RARRES2: variants seen among roughly 807,000 people sequenced by gnomAD.
The protein encoded by RARRES2 is retinoic acid receptor responder 2.
RARRES2 carries 12 observed loss-of-function variants against 17.9 expected under a neutral mutation model. That is an observed-to-expected ratio of 0.67 (90% CI 0.43 to 1.08). RARRES2 has a LOEUF of 1.08. Among genes scored for constraint, RARRES2 ranks in the 50% least tolerant of loss-of-function variants. RARRES2 has a pLI of 0.00. For synonymous variants in RARRES2, 82 were observed against 86.8 expected (o/e 0.94, Z 0.31); for missense variants, 220 against 210.1 (o/e 1.05, Z -0.29).
intron 3 of RARRES2, among the ~76,000 whole-genome samples, chr7:150,339,594 T>G (rs1437292678): frequency 6.6e-6 from 1 of 152,178 alleles, no homozygotes. Context: ...CAGAGGGAAC[T>G]GGGGCCTTTG....
rs762377599 is a variant in RARRES2, at chr7:150,339,010, G to T, written c.351C>A (p.Cys117Ter). 7 of 1,611,538 alleles carry T rather than the reference G, an allele frequency of 4.3e-6. No homozygotes were observed. Among genetic ancestry groups the T allele is most frequent in the Non-Finnish European group, 5.9e-6 (7 of 1,177,802 alleles). ...CCCGCAGAACTTGGGTCTCTATGGGGCAGTGGACCAACCGGCCCAGAACTT... is the reference window on the plus strand; with the variant it reads ...CCCGCAGAACTTGGGTCTCTATGGGTCAGTGGACCAACCGGCCCAGAACTT... ...EDKVLGRLVH[C>*]PIETQVLREA... Residue 117 changes from cysteine (C) to a stop codon, truncating the protein, a stop_gained, in exon 4 of 6, where the codon TGC (cysteine) becomes TGA (stop). Transcript: ENST00000223271. LOFTEE classifies it high-confidence loss of function.
intron 3 of RARRES2, among the ~76,000 whole-genome samples, chr7:150,339,543 T>G (rs970420003): frequency 6.6e-6 from 1 of 152,002 alleles, no homozygotes; most frequent in African/African-American, 2.4e-5. Flanking sequence ...ATTTTGAGGT[T>G]GATGAATCAT....
rs1345899318 is a variant in RARRES2 at position 150,340,132 on chromosome 7, T to C, written c.247A>G (p.Lys83Glu). 1 of 1,614,096 alleles carries C rather than the reference T, an allele frequency of 6.2e-7. No individual in the cohort carries two copies. Among genetic ancestry groups the C allele is most frequent in the Non-Finnish European group, 8.5e-7 (1 of 1,180,036 alleles). Residue 83 changes from lysine to glutamate, a missense_variant, in exon 3 of 6, where the codon AAG becomes GAG. Coordinates refer to ENST00000223271, the MANE Select transcript of RARRES2 (RefSeq NM_002889.4). ...GGCCTGACTTTGCACTCGGGTTTCTTCCAGTCCCTCTTCCGGCAGCTTGTC... is the reference window on the plus strand; with the variant it reads ...GGCCTGACTTTGCACTCGGGTTTCTCCCAGTCCCTCTTCCGGCAGCTTGTC... Reference protein sequence around the residue: ...QQTSCRKRDWKKPECKVRPNG... With the variant: ...QQTSCRKRDWEKPECKVRPNG...
At chr7:150,339,511 A>T (rs538767538) in intron 3 of RARRES2, among the ~76,000 whole-genome samples, 2 of 138,800 alleles carry the variant, frequency 1.4e-5, no homozygotes, top group Non-Finnish European at 3.1e-5. Context: ...CACCTATTCT[A>T]TTTATTTTCT....
chr7:150,340,628 C>A lies in RARRES2; in HGVS notation c.-19G>T. On this transcript the variant is annotated splice_region_variant and 5_prime_UTR_variant, in exon 2 of 6. Coordinates refer to ENST00000223271, the MANE Select transcript of RARRES2 (RefSeq NM_002889.4). ...GTCGCATGCTTCCGTGTCACCCTGG[C>A]CCTGCGAAGCGGGTGTGCGCCCCTC... The A allele has an allele frequency of 6.7e-7, 1 of 1,485,184 alleles. No homozygotes were observed. The highest frequency in any genetic ancestry group is 1.3e-5 in the South Asian group (1 of 77,226). The allele number at this position is 1,485,184 out of a possible 1,614,324, so 92.0% of individuals were successfully genotyped here. A position where few individuals can be genotyped will look rare whatever the true frequency, so the allele number is the denominator to read the frequency against.
At position 150,339,063 on chromosome 7, in the gene RARRES2, C is replaced by T; in HGVS notation, c.298G>A (p.Ala100Thr). The change falls in exon 4 of 6, where the codon GCC (alanine) becomes ACC (threonine). Residue 100 changes from alanine (A) to threonine (T), a missense_variant. Transcript: ENST00000223271. ...RPNGRKRKCL[A>T]CIKLGSEDKV... is the part of the protein sequence containing the mutation. ...TCCTCAGAGCCCAGTTTGATGCAGGCCAGGCATTTCCGTTTCCTCTGTGGG... is the reference window on the plus strand; with the variant it reads ...TCCTCAGAGCCCAGTTTGATGCAGGTCAGGCATTTCCGTTTCCTCTGTGGG... The T allele has an allele frequency of 6.2e-7, 1 of 1,611,976 alleles. No homozygotes were observed. The highest frequency in any genetic ancestry group is 8.5e-7 in the Non-Finnish European group (1 of 1,178,086).
Position 150,340,392 on chromosome 7 carries a change from T to A in RARRES2, c.174+44A>T, listed in dbSNP as rs756659584. The A allele has an allele frequency of 3.8e-6, 6 of 1,563,022 alleles. No homozygotes were observed. The East Asian group carries it at 1.4e-4, about 35-fold the overall frequency. Reference sequence around the variant, plus strand: ...CCTTCGTGGGAATGCGCTGGTCTCCTGGGGTACGACCCTCCCCGCTCCTGC... The same window carrying A: ...CCTTCGTGGGAATGCGCTGGTCTCCAGGGGTACGACCCTCCCCGCTCCTGC... On this transcript the variant is annotated intron_variant, in intron 2 of 5. Coordinates refer to ENST00000223271, the MANE Select transcript of RARRES2 (RefSeq NM_002889.4).
chr7:150,338,496 C>T (rs975239960), intron 5 of RARRES2, 57 bp from the exon 6 acceptor site: 42 of 1,518,700 alleles, frequency 2.8e-5, no homozygotes, highest in Admixed American at 4.1e-5. Flanking sequence ...GCCCCAGTCC[C>T]AGCTTTCCTC....
At chr7:150,339,558 A>G (rs1313835611) in intron 3 of RARRES2, among the ~76,000 whole-genome samples, 6 of 152,054 alleles carry the variant, frequency 3.9e-5, no homozygotes, top group Non-Finnish European at 8.8e-5. Context: ...AATCATTGCT[A>G]TAGTCCAGTG....
chr7:150,338,367 G>C lies in RARRES2; in HGVS notation c.*83C>G, dbSNP rs752236152. 1.4e-6 allele frequency: 2 copies of C among 1,468,590 alleles called. No individual in the cohort carries two copies. Among genetic ancestry groups the C allele is most frequent in the South Asian group, 1.2e-5 (1 of 82,590 alleles). 91.0% of individuals were successfully genotyped at this position (1,468,590 alleles called of 1,614,324 possible). A position where few individuals can be genotyped will look rare whatever the true frequency, so the allele number is the denominator to read the frequency against. On this transcript the variant is annotated 3_prime_UTR_variant, in exon 6 of 6. Transcript: ENST00000223271. The stretch of plus-strand genomic sequence containing the variant: ...TTATTATCATGGCTGGGGATAGAAC[G>C]GGTTCCTCTCCCTGGGGGCTGGGGT...
In RARRES2 at chr7:150,341,589, C is replaced by T. The variant is rs10275627; in HGVS notation, c.-32G>A. ...CTTCCCCTCCTCACGTCCTTCCCTG[C>T]GCCTGGAGGTCTCCCCTGACCGTCC... On this transcript the variant is annotated 5_prime_UTR_variant, in exon 1 of 6. Coordinates refer to ENST00000223271, the MANE Select transcript of RARRES2 (RefSeq NM_002889.4). 7,139 of 152,660 alleles carry T rather than the reference C, an allele frequency of 0.047. 484 individuals are homozygous for T. The highest frequency in any genetic ancestry group is 0.15 in the African/African-American group (6,137 of 41,518). The allele number at this position is 152,660 out of a possible 1,614,324, so 9.5% of individuals were successfully genotyped here.
At position 150,340,163 on chromosome 7, in the gene RARRES2, C is replaced by T. The variant is rs773633037; in HGVS notation, c.216G>A (p.Leu72=). The T allele has an allele frequency of 1.2e-6, 2 of 1,614,078 alleles. No homozygotes were observed. Among genetic ancestry groups the T allele is most frequent in the South Asian group, 1.1e-5 (1 of 91,090 alleles). ...CCCTCTTCCGGCAGCTTGTCTGCTG[C>T]AGCTTAAATTCCAGCCTCACAAATA... is the stretch of plus-strand genomic sequence containing the variant. ...AGIFVRLEFK[L]QQTSCRKRDW... The change falls in exon 3 of 6, where the codon CTG becomes CTA. Residue 72 remains leucine, a synonymous_variant. Transcript: ENST00000223271.
At chr7:150,340,849 G>A (rs1359440674) in intron 1 of RARRES2, 4 of 458,692 alleles carry the variant, frequency 8.7e-6, no homozygotes, top group Non-Finnish European at 1.5e-5. Context: ...TGTTCCCTGG[G>A]GCCTGCAGTT....
In RARRES2 at chr7:150,340,122, T is replaced by A; in HGVS notation, c.257A>T (p.Glu86Val). ...CACCCCATTGGGCCTGACTTTGCAC[T>A]CGGGTTTCTTCCAGTCCCTCTTCCG... ...SCRKRDWKKP[E>V]CKVRPNGRKR... is the part of the protein sequence containing the mutation. The change falls in exon 3 of 6, where the codon GAG (glutamate) becomes GTG (valine). Residue 86 changes from glutamate to valine, a missense_variant. Physicochemically the swap from Glu to Val is moderately radical, Grantham distance 121 (BLOSUM62 -2). Coordinates refer to ENST00000223271, the MANE Select transcript of RARRES2 (RefSeq NM_002889.4). The A allele has an allele frequency of 6.2e-7, 1 of 1,614,146 alleles. No individual in the cohort carries two copies. The highest frequency in any genetic ancestry group is 1.3e-5 in the African/African-American group (1 of 75,050).
At chr7:150,340,664 GCC>G in intron 1 of RARRES2, 35 bp from the exon 2 acceptor site, 2 of 1,433,226 alleles carry the variant, frequency 1.4e-6, no homozygotes, top group Non-Finnish European at 1.8e-6. Flanking sequence ...AGCTCTCCGA[GCC>G]AGCCCGAGCC....
chr7:150,339,671 C>G (rs1182901959), intron 3 of RARRES2, among the ~76,000 whole-genome samples: 1 of 149,296 alleles, frequency 6.7e-6, no homozygotes, highest in African/African-American at 2.5e-5. Context: ...TCACTGCACT[C>G]CCAGCCCAGG....
rs555320429 is a variant in RARRES2, at chr7:150,339,527, G to T, written c.280-446C>A. Among the ~76,000 whole-genome samples the T allele has an allele frequency of 3.5e-4, 41 of 117,008 alleles. 1 individual carries two copies. The South Asian group carries it at 8.9e-3, about 25-fold the overall frequency. 76.8% of individuals were successfully genotyped at this position (117,008 alleles called of 152,430 possible). A position where few individuals can be genotyped will look rare whatever the true frequency, so the allele number is the denominator to read the frequency against. The stretch of plus-strand genomic sequence containing the variant: ...ACCTATTCTATTTATTTTCTTGTAA[G>T]ATTTGATTTTGAGGTTGATGAATCA... On this transcript the variant is annotated intron_variant, in intron 3 of 5. Coordinates refer to ENST00000223271, the MANE Select transcript of RARRES2 (RefSeq NM_002889.4).
chr7:150,340,562 G>T lies in RARRES2; in HGVS notation c.48C>A (p.Gly16=), dbSNP rs755893695. 2 of 1,567,966 alleles carry T rather than the reference G, an allele frequency of 1.3e-6. No individual in the cohort carries two copies. Among genetic ancestry groups the T allele is most frequent in the Non-Finnish European group, 8.6e-7 (1 of 1,157,808 alleles). ...IPLALWLGAV[G]VGVAELTEAQ... is the part of the protein sequence containing the mutation. ...CTTCCGTGAGCTCGGCGACGCCCAC[G>T]CCCACCGCACCCAGCCACAGGGCCA... The change falls in exon 2 of 6, where the codon GGC becomes GGA. Residue 16 remains glycine (G), a synonymous_variant. Coordinates refer to ENST00000223271, the MANE Select transcript of RARRES2 (RefSeq NM_002889.4).
chr7:150,340,701 G>A, intron 1 of RARRES2, 72 bp from the exon 2 acceptor site: 1 of 1,307,044 alleles, frequency 7.7e-7, no homozygotes, highest in Non-Finnish European at 1.0e-6. Flanking sequence ...CCTGCTCTGG[G>A]GGGAGGGTGG....
Sources: allele counts gnomAD v4.1 joint callset (sites outside exome capture counted in the v4.1 genomes callset), GRCh38; gene constraint gnomAD v4.1.1; transcripts MANE v1.5; gene names NCBI Gene and HGNC (gene_info 2026-07-23, HGNC 2026-07-21).